NPEPPS: variants seen among roughly 807,000 people sequenced by gnomAD.
NPEPPS encodes the protein aminopeptidase puromycin sensitive, also known as puromycin-sensitive aminopeptidase.
In NPEPPS, 14 loss-of-function variants were observed where a neutral mutation model predicts 115.5. That is an observed-to-expected ratio of 0.12 (90% CI 0.08 to 0.19). The LOEUF (loss-of-function observed/expected upper bound fraction) is 0.19, where lower values mean the gene tolerates loss of function less well. Among genes scored for constraint, NPEPPS ranks in the 10% least tolerant of loss-of-function variants. NPEPPS has a pLI of 1.00. For missense variants in NPEPPS, 523 were observed against 1,110.8 expected (o/e 0.47, Z 7.52); for synonymous variants, 285 against 390.6 (o/e 0.73, Z 3.19).
intron 5 of NPEPPS, 137 bp from the exon 6 acceptor site, chr17:47,585,363 A>G (rs1351090520): frequency 1.6e-6 from 1 of 622,938 alleles, no homozygotes; most frequent in East Asian, 2.7e-5. Context: ...CACTGGATGA[A>G]TTGGGGTAGA....
chr17:47,622,004 G>T lies in NPEPPS; in HGVS notation c.*84G>T. 1 of 1,416,086 alleles carries T rather than the reference G, an allele frequency of 7.1e-7. No individual in the cohort carries two copies. Among genetic ancestry groups the T allele is most frequent in the South Asian group, 1.6e-5 (1 of 62,828 alleles). 87.7% of individuals were successfully genotyped at this position (1,416,086 alleles called of 1,614,324 possible). On this transcript the variant is annotated 3_prime_UTR_variant, in exon 23 of 23. Transcript: ENST00000322157. Reference sequence around the variant, plus strand: ...ACCGAACAGCTGATTCATATGCCAAGAATTTGGAGTCTTCTTTCAAACCAG... The same window carrying T: ...ACCGAACAGCTGATTCATATGCCAATAATTTGGAGTCTTCTTTCAAACCAG...
chr17:47,546,365 G>T (rs1336824876), intron 2 of NPEPPS, among the ~76,000 whole-genome samples: 2 of 152,042 alleles, frequency 1.3e-5, no homozygotes, highest in African/African-American at 4.8e-5. Flanking sequence ...GGCCGAGGCT[G>T]CAGTGAGCCA....
chr17:47,613,354 C>G (rs763677277), intron 18 of NPEPPS, among the ~76,000 whole-genome samples: 19 of 147,040 alleles, frequency 1.3e-4, no homozygotes, highest in Non-Finnish European at 2.1e-4. Flanking sequence ...TAGCCTTCAC[C>G]TCCTGGGTTC....
chr17:47,595,700 G>A (rs1182260980), intron 12 of NPEPPS, among the ~76,000 whole-genome samples: 1 of 151,346 alleles, frequency 6.6e-6, no homozygotes, highest in Non-Finnish European at 1.5e-5. Flanking sequence ...AAGAAATTAT[G>A]GGCCAGGTGC....
chr17:47,603,209 C>A (rs377421472), intron 15 of NPEPPS, among the ~76,000 whole-genome samples: 2 of 151,964 alleles, frequency 1.3e-5, no homozygotes, highest in Non-Finnish European at 1.5e-5. Context: ...GTCAGGAGTT[C>A]GAGACCAGCC....
At chr17:47,618,141 A>G (rs1914326845) in intron 19 of NPEPPS, among the ~76,000 whole-genome samples, 1 of 151,964 alleles carries the variant, frequency 6.6e-6, no homozygotes, top group Admixed American at 6.6e-5. Context: ...TCGGCCTCCC[A>G]AAGTGCTGGG....
At chr17:47,590,501 A>G (rs1912437175) in intron 9 of NPEPPS, among the ~76,000 whole-genome samples, 1 of 151,884 alleles carries the variant, frequency 6.6e-6, no homozygotes, top group Non-Finnish European at 1.5e-5. Context: ...TGACCCTCAG[A>G]TATAATTCTC....
intron 1 of NPEPPS, among the ~76,000 whole-genome samples, chr17:47,536,256 A>G (rs1167238975): frequency 6.6e-6 from 1 of 152,164 alleles, no homozygotes; most frequent in African/African-American, 2.4e-5. Context: ...CATGTTGGAG[A>G]TAACTAAATT....
chr17:47,536,388 CTTTTTTTT>C (rs749380530), intron 1 of NPEPPS, among the ~76,000 whole-genome samples: 14 of 69,938 alleles, frequency 2.0e-4, no homozygotes, highest in African/African-American at 5.7e-4. Context: ...TATTTTCTCT[CTTTTTTTT>C]TTTTTTTTTT....
intron 3 of NPEPPS, among the ~76,000 whole-genome samples, chr17:47,569,732 G>A (rs111788971): frequency 5.9e-5 from 9 of 151,502 alleles, no homozygotes; most frequent in Non-Finnish European, 1.2e-4. Flanking sequence ...ATTCTCCTGC[G>A]TCGGCCTCCC....
intron 9 of NPEPPS, 24 bp from the exon 10 acceptor site, chr17:47,590,693 A>T: frequency 6.2e-7 from 1 of 1,605,164 alleles, no homozygotes; most frequent in Non-Finnish European, 8.5e-7. Flanking sequence ...ATTTTCTTTA[A>T]GTATTTTCAT....
At chr17:47,611,555 C>G (rs1272234342) in intron 17 of NPEPPS, among the ~76,000 whole-genome samples, 1 of 152,100 alleles carries the variant, frequency 6.6e-6, no homozygotes. Context: ...TCCTTGCAGC[C>G]TCAAGCTCCT....
intron 5 of NPEPPS, 98 bp from the exon 6 acceptor site, chr17:47,585,402 G>A (rs2143851911): frequency 1.3e-6 from 1 of 781,584 alleles, no homozygotes; most frequent in South Asian, 1.7e-5. Context: ...ATAGAAAGGG[G>A]TAAAGAGATG....
chr17:47,565,980 G>A (rs956195365), intron 2 of NPEPPS, among the ~76,000 whole-genome samples: 2 of 152,078 alleles, frequency 1.3e-5, no homozygotes, highest in African/African-American at 4.8e-5. Context: ...TAGTTATTGT[G>A]CTACACCCTG....
chr17:47,619,604 C>T, intron 21 of NPEPPS, 133 bp from the exon 22 acceptor site: 1 of 740,834 alleles, frequency 1.3e-6, no homozygotes, highest in Non-Finnish European at 2.4e-6. Context: ...TTAAGGACTT[C>T]TCCATCTCCC....
chr17:47,582,229 A>T (rs1911923937), intron 4 of NPEPPS: 1 of 164,442 alleles, frequency 6.1e-6, no homozygotes, highest in African/African-American at 2.4e-5. Context: ...GTGCCATTAA[A>T]TGAATGACCT....
intron 2 of NPEPPS, among the ~76,000 whole-genome samples, chr17:47,546,261 C>G (rs1909206609): frequency 6.6e-6 from 1 of 151,954 alleles, no homozygotes; most frequent in African/African-American, 2.4e-5. Flanking sequence ...CAAAAACAAA[C>G]AAACAAACAG....
chr17:47,620,683 G>T (rs1357315147), intron 22 of NPEPPS, among the ~76,000 whole-genome samples: 1 of 152,118 alleles, frequency 6.6e-6, no homozygotes, highest in Admixed American at 6.6e-5. Context: ...TAAGGTTATT[G>T]ATTTCTAAAA....
At chr17:47,573,883 T>A (rs1019705856) in intron 3 of NPEPPS, among the ~76,000 whole-genome samples, 3 of 152,172 alleles carry the variant, frequency 2.0e-5, no homozygotes, top group African/African-American at 7.2e-5. Context: ...GATAGAAATT[T>A]AAAAAATTTT....
Sources: gnomAD v4.1 joint callset for allele counts (sites outside exome capture counted in the v4.1 genomes callset) on GRCh38, gnomAD v4.1.1 for gene constraint, MANE v1.5 for transcripts, NCBI Gene and HGNC (gene_info 2026-07-23, HGNC 2026-07-21) for gene names.